Variants in VPS13C observed in about 807,000 individuals in gnomAD.
VPS13C encodes the protein vacuolar protein sorting 13 homolog C, also known as intermembrane lipid transfer protein VPS13C.
Under a neutral mutation model 456.8 loss-of-function variants are expected in VPS13C, and 358 were observed. The ratio of observed to expected loss-of-function variants is 0.78; its 90% CI spans 0.72 to 0.86. VPS13C has a LOEUF of 0.86. Among genes scored for constraint, VPS13C ranks in the 40% least tolerant of loss-of-function variants. VPS13C has a pLI of 0.00. For missense variants in VPS13C, 4,818 were observed against 4,385.4 expected (o/e 1.10, Z -2.79); for synonymous variants, 1,578 against 1,486.7 (o/e 1.06, Z -1.41).
At chr15:62,055,914 G>A (rs1596545262) in intron 1 of VPS13C, among the ~76,000 whole-genome samples, 1 of 152,128 alleles carries the variant, frequency 6.6e-6, no homozygotes, top group Non-Finnish European at 1.5e-5. Context: ...GCAGGAAGTT[G>A]TCCTCTGCAT....
At chr15:61,887,818 A>G (rs1896379255) in intron 67 of VPS13C, among the ~76,000 whole-genome samples, 1 of 152,200 alleles carries the variant, frequency 6.6e-6, no homozygotes, top group African/African-American at 2.4e-5. Flanking sequence ...TATATACAAC[A>G]CCAAAAGTAC....
At chr15:61,991,942 G>A in intron 16 of VPS13C, 140 bp from the exon 17 acceptor site, 2 of 912,638 alleles carry the variant, frequency 2.2e-6, no homozygotes, top group Non-Finnish European at 3.2e-6. Context: ...CTTAAATGAT[G>A]CTCACAACAT....
At chr15:62,001,476 T>C (rs2046612643) in intron 15 of VPS13C, among the ~76,000 whole-genome samples, 1 of 152,214 alleles carries the variant, frequency 6.6e-6, no homozygotes, top group Non-Finnish European at 1.5e-5. Context: ...AGTGTGTTTC[T>C]ACCTTTTATT....
chr15:61,901,577 A>T (rs1396822764), intron 66 of VPS13C, among the ~76,000 whole-genome samples: 2 of 152,220 alleles, frequency 1.3e-5, no homozygotes, highest in South Asian at 2.1e-4. Context: ...ATCTCACACC[A>T]GTTAGAATGG....
chr15:61,947,808 G>A (rs1285739677), intron 42 of VPS13C, among the ~76,000 whole-genome samples: 1 of 152,078 alleles, frequency 6.6e-6, no homozygotes, highest in East Asian at 1.9e-4. Context: ...ACACCCTGTT[G>A]CTCCATCAAG....
intron 20 of VPS13C, 120 bp from the exon 21 acceptor site, chr15:61,982,693 T>C (rs764732489): frequency 3.7e-5 from 24 of 641,932 alleles, no homozygotes; most frequent in Admixed American, 1.2e-4. Context: ...TCCTAAGATA[T>C]TCTGTCCTAC....
At chr15:61,992,812 GC>G (rs772959840) in intron 16 of VPS13C, among the ~76,000 whole-genome samples, 1 of 151,870 alleles carries the variant, frequency 6.6e-6, no homozygotes, top group Non-Finnish European at 1.5e-5. Context: ...CAAAGCCAAA[GC>G]CCCACCACAC....
rs574589452 is a variant in VPS13C, at chr15:61,943,967, A to T, written c.5148+1748T>A. On this transcript the variant is annotated intron_variant, in intron 45 of 84. Transcript: ENST00000644861. The stretch of plus-strand genomic sequence containing the variant: ...CAAGCAAAAAACAAATCCCATTTAA[A>T]ACTGGGCAAAAGACATGAACAGACA... Among the ~76,000 whole-genome samples, 514 of 152,258 alleles carry T rather than the reference A, an allele frequency of 3.4e-3. 1 individual carries two copies. The highest frequency in any genetic ancestry group is 0.012 in the African/African-American group (482 of 41,564).
chr15:62,013,081 T>C lies in VPS13C; in HGVS notation c.783A>G (p.Val261=), dbSNP rs2047105382. 6.2e-7 allele frequency: 1 copy of C among 1,611,042 alleles called. No homozygotes were observed. The highest frequency in any genetic ancestry group is 1.7e-5 in the Admixed American group (1 of 59,760). The change falls in exon 11 of 85, where the codon GTA becomes GTG. Residue 261 remains valine, a synonymous_variant. Coordinates refer to ENST00000644861, the MANE Select transcript of VPS13C (RefSeq NM_020821.3). The part of the protein sequence containing the change: ...RLDSLSAYWN[V]NCSMSYQRSR... ...ATCTCTGGTAAGACATGCTGCAATT[T>C]ACATTCCAGTAGGCGCTAAGACTAT...
At chr15:61,971,582 C>A (rs1410118987) in intron 27 of VPS13C, among the ~76,000 whole-genome samples, 2 of 152,092 alleles carry the variant, frequency 1.3e-5, no homozygotes, top group Non-Finnish European at 2.9e-5. Flanking sequence ...CTTAAAGGAT[C>A]AATCTGGCAA....
In VPS13C at chr15:61,910,170, AACTT is replaced by A; in HGVS notation, c.8844+3_8844+6del. On this transcript the variant is annotated splice_donor_5th_base_variant and intron_variant, in intron 64 of 84. Coordinates refer to ENST00000644861, the MANE Select transcript of VPS13C (RefSeq NM_020821.3). ...AAATAAAAATAAAATAAAATATGAA[AACTT>A]ACCAGATCTTCTAAGCTCAATAAAG... 2 of 1,325,056 alleles carry A rather than the reference AACTT, an allele frequency of 1.5e-6. No individual in the cohort carries two copies. The highest frequency in any genetic ancestry group is 9.7e-7 in the Non-Finnish European group (1 of 1,030,312). 82.1% of individuals were successfully genotyped at this position (1,325,056 alleles called of 1,614,324 possible).
At chr15:61,871,348 C>T (rs11629559) in intron 79 of VPS13C, among the ~76,000 whole-genome samples, 8,665 of 152,138 alleles carry the variant, frequency 0.057, 309 homozygotes, top group Non-Finnish European at 0.08. Context: ...TTCTTGAGGA[C>T]GGTTCTTTCC....
Sources: gnomAD v4.1 joint callset for allele counts (sites outside exome capture counted in the v4.1 genomes callset) on GRCh38, gnomAD v4.1.1 for gene constraint, MANE v1.5 for transcripts, NCBI Gene and HGNC (gene_info 2026-07-23, HGNC 2026-07-21) for gene names.